The following ZFHX3 variants were observed in gnomAD, a reference collection of about 807,000 sequenced individuals.
ZFHX3 encodes the protein zinc finger homeobox 3.
Under a neutral mutation model 279.1 loss-of-function variants are expected in ZFHX3, and 42 were observed. The observed-to-expected ratio is 0.15, with a 90% CI of 0.12 to 0.19. The LOEUF (loss-of-function observed/expected upper bound fraction) is 0.19. Ranked by LOEUF, ZFHX3 falls within the 10% of genes least tolerant of loss-of-function variation. The pLI is 1.00. For synonymous variants in ZFHX3, 2,293 were observed against 1,957.8 expected (o/e 1.17, Z -4.52); for missense variants, 4,981 against 4,754.0 (o/e 1.05, Z -1.40).
intron 8 of ZFHX3, among the ~76,000 whole-genome samples, chr16:73,082,254 T>A (rs982743275): frequency 2.0e-5 from 3 of 152,066 alleles, no homozygotes; most frequent in Non-Finnish European, 4.4e-5. Context: ...GTAACCTTTC[T>A]TTGAATGAAT....
chr16:73,246,740 A>G (rs975723972), intron 5 of ZFHX3, among the ~76,000 whole-genome samples: 14 of 152,254 alleles, frequency 9.2e-5, no homozygotes, highest in African/African-American at 2.9e-4. Flanking sequence ...TTTAGGGTAC[A>G]CTTTTTCACT....
At chr16:72,999,713 G>C (rs1963425678) in intron 1 of ZFHX3, among the ~76,000 whole-genome samples, 2 of 152,186 alleles carry the variant, frequency 1.3e-5, no homozygotes, top group Admixed American at 1.3e-4. Flanking sequence ...TTCGATGCCA[G>C]CGTGGGCAGG....
At chr16:73,065,909 A>C (rs1965745769) in intron 8 of ZFHX3, among the ~76,000 whole-genome samples, 3 of 152,254 alleles carry the variant, frequency 2.0e-5, no homozygotes, top group African/African-American at 7.2e-5. Context: ...AAATAGAGAA[A>C]AATGCGAATC....
rs760606893 is a variant in ZFHX3 at position 72,787,806 on chromosome 16, G to A, written c.10470C>T (p.Phe3490=). 37 of 1,613,370 alleles carry A rather than the reference G, an allele frequency of 2.3e-5. No individual in the cohort carries two copies. The highest frequency in any genetic ancestry group is 1.3e-4 in the East Asian group (6 of 44,848). ...CTTGCAGGTTCACCACAGACTGGCC[G>A]AAGAAGCAGAGGGACTTCAGGTGGC... ...ARSHLKSLCF[F]GQSVVNLQEM... The change falls in exon 10 of 10, where the codon TTC becomes TTT. Residue 3490 remains phenylalanine, a synonymous_variant. Transcript: ENST00000268489.
At chr16:72,933,689 A>C (rs1328994898) in intron 3 of ZFHX3, among the ~76,000 whole-genome samples, 1 of 151,806 alleles carries the variant, frequency 6.6e-6, no homozygotes, top group East Asian at 1.9e-4. Context: ...CTTTTTGTTT[A>C]TGGGTTTTTA....
intron 1 of ZFHX3, among the ~76,000 whole-genome samples, chr16:73,817,042 A>C (rs1960594621): frequency 6.6e-6 from 1 of 152,216 alleles, no homozygotes; most frequent in African/African-American, 2.4e-5. Flanking sequence ...ACAGTAGGAA[A>C]GGTGGAGCTA....
intron 1 of ZFHX3, among the ~76,000 whole-genome samples, chr16:73,731,842 T>C (rs2053572264): frequency 6.6e-6 from 1 of 152,208 alleles, no homozygotes; most frequent in African/African-American, 2.4e-5. Context: ...ATAGAAGGAC[T>C]GAGGTGTTAA....
chr16:73,373,707 G>A (rs987846888), intron 3 of ZFHX3, among the ~76,000 whole-genome samples: 5 of 152,166 alleles, frequency 3.3e-5, no homozygotes, highest in Admixed American at 6.5e-5. Context: ...TGTGCCTCAG[G>A]CCATGCCTCT....
At chr16:73,606,689 G>GCCC (rs2052187423) in intron 2 of ZFHX3, among the ~76,000 whole-genome samples, 1 of 151,994 alleles carries the variant, frequency 6.6e-6, no homozygotes, top group East Asian at 1.9e-4. Context: ...TAGGTATTAC[G>GCCC]CCCAGCATGC....
intron 1 of ZFHX3, among the ~76,000 whole-genome samples, chr16:73,759,275 G>A (rs2053840173): frequency 1.3e-5 from 2 of 152,170 alleles, no homozygotes; most frequent in African/African-American, 4.8e-5. Context: ...GAGCCAAAGT[G>A]GGTGATCCCT....
chr16:73,377,869 T>C (rs1422837762), intron 3 of ZFHX3, among the ~76,000 whole-genome samples: 3 of 150,796 alleles, frequency 2.0e-5, no homozygotes, highest in East Asian at 1.9e-4. Context: ...CCATCTCTAC[T>C]AAAAATACAA....
At chr16:72,939,760 C>T (rs542566778) in intron 3 of ZFHX3, among the ~76,000 whole-genome samples, 7 of 152,188 alleles carry the variant, frequency 4.6e-5, no homozygotes, top group Non-Finnish European at 7.4e-5. Context: ...TGGTGGCAGG[C>T]GCCTGTAATC....
chr16:73,004,960 AT>A lies in ZFHX3; in HGVS notation c.-50+42791del, dbSNP rs1490772925. On this transcript the variant is annotated intron_variant, in intron 1 of 9. Transcript: ENST00000268489. ...ATGGCTCTAACCTAATTTTTCCGCCATTTGGCTATCTAACTGTCCTACAACC... is the reference window on the plus strand; with the variant it reads ...ATGGCTCTAACCTAATTTTTCCGCCATTGGCTATCTAACTGTCCTACAACC... Among the ~76,000 whole-genome samples, 4 of 152,188 alleles carry A rather than the reference AT, an allele frequency of 2.6e-5. No homozygotes were observed. The East Asian group carries it at 7.7e-4, about 29-fold the overall frequency.
At chr16:73,271,070 A>G (rs2014130611) in intron 4 of ZFHX3, among the ~76,000 whole-genome samples, 1 of 152,138 alleles carries the variant, frequency 6.6e-6, no homozygotes, top group Non-Finnish European at 1.5e-5. Flanking sequence ...GTCACCCCAG[A>G]GGTTGTGATT....
intron 1 of ZFHX3, among the ~76,000 whole-genome samples, chr16:73,875,961 T>C (rs529703875): frequency 1.3e-5 from 2 of 152,340 alleles, no homozygotes; most frequent in South Asian, 2.1e-4. Context: ...TGGAGATATT[T>C]TTCACTGGGC....
At chr16:73,170,198 T>G (rs1194178112) in intron 5 of ZFHX3, among the ~76,000 whole-genome samples, 4 of 151,276 alleles carry the variant, frequency 2.6e-5, no homozygotes, top group Non-Finnish European at 2.9e-5. Flanking sequence ...GCTGTGTAAC[T>G]TTTTGAAGCA....
chr16:73,699,579 C>G (rs1379255646), intron 1 of ZFHX3, among the ~76,000 whole-genome samples: 1 of 152,184 alleles, frequency 6.6e-6, no homozygotes, highest in Non-Finnish European at 1.5e-5. Flanking sequence ...TTTAAGAAAA[C>G]AAACACACTA....
intron 1 of ZFHX3, among the ~76,000 whole-genome samples, chr16:73,014,813 A>G (rs1822368076): frequency 6.6e-6 from 1 of 151,748 alleles, no homozygotes; most frequent in South Asian, 2.1e-4. Flanking sequence ...TGTCCGGCCT[A>G]TGTGGTAACT....
At chr16:72,804,939 C>T (rs1335422811) in intron 7 of ZFHX3, among the ~76,000 whole-genome samples, 2 of 152,112 alleles carry the variant, frequency 1.3e-5, no homozygotes, top group Non-Finnish European at 2.9e-5. Flanking sequence ...GCCCCAGACA[C>T]ATTCTGTGTG....
Sources: gnomAD v4.1 joint callset for allele counts (sites outside exome capture counted in the v4.1 genomes callset) on GRCh38, gnomAD v4.1.1 for gene constraint, MANE v1.5 for transcripts, NCBI Gene and HGNC (gene_info 2026-07-23, HGNC 2026-07-21) for gene names.